Variants in NOVA1 observed in about 807,000 individuals in gnomAD.
NOVA1 encodes the protein NOVA alternative splicing regulator 1, also known as RNA-binding protein Nova-1.
Under a neutral mutation model 38.0 loss-of-function variants are expected in NOVA1, and 7 were observed. The observed-to-expected ratio is 0.18, with a 90% confidence interval of 0.10 to 0.35. The LOEUF is 0.35. Ranked by LOEUF, NOVA1 falls within the 10% of genes least tolerant of loss-of-function variation. The pLI, the probability that NOVA1 is intolerant of heterozygous loss-of-function variation, is 1.00. For missense variants in NOVA1, 460 were observed against 616.0 expected (o/e 0.75, Z 2.68); for synonymous variants, 270 against 232.5 (o/e 1.16, Z -1.47).
At chr14:26,496,102 CA>C (rs1240722467) in intron 2 of NOVA1, among the ~76,000 whole-genome samples, 1 of 147,234 alleles carries the variant, frequency 6.8e-6, no homozygotes, top group African/African-American at 2.5e-5. Flanking sequence ...AACTAGTTTA[CA>C]GTCCCACCAA....
At chr14:26,504,084 A>C (rs1280752615) in intron 2 of NOVA1, among the ~76,000 whole-genome samples, 1 of 152,144 alleles carries the variant, frequency 6.6e-6, no homozygotes, top group Non-Finnish European at 1.5e-5. Context: ...ATACCATTTA[A>C]AATTTAGATA....
At chr14:26,529,208 G>A (rs1302843698) in intron 2 of NOVA1, among the ~76,000 whole-genome samples, 1 of 151,746 alleles carries the variant, frequency 6.6e-6, no homozygotes, top group Non-Finnish European at 1.5e-5. Context: ...TGTAATCTCG[G>A]CTCACAGCAA....
intron 2 of NOVA1, among the ~76,000 whole-genome samples, chr14:26,526,962 G>T (rs1889346124): frequency 6.6e-6 from 1 of 152,072 alleles, no homozygotes; most frequent in African/African-American, 2.4e-5. Flanking sequence ...CCAGAATCTT[G>T]GACATCCTGG....
intron 4 of NOVA1, among the ~76,000 whole-genome samples, chr14:26,470,868 C>T (rs1279985081): frequency 6.6e-6 from 1 of 151,978 alleles, no homozygotes; most frequent in African/African-American, 2.4e-5. Flanking sequence ...TTGGAAAAGA[C>T]TGAACAATAA....
At chr14:26,517,543 TATTA>T (rs1342257429) in intron 2 of NOVA1, among the ~76,000 whole-genome samples, 17 of 152,292 alleles carry the variant, frequency 1.1e-4, no homozygotes, top group East Asian at 3.9e-4. Flanking sequence ...TTGAAATAAG[TATTA>T]ATTAAGAGAG....
intron 2 of NOVA1, among the ~76,000 whole-genome samples, chr14:26,531,548 C>T (rs747192426): frequency 3.3e-5 from 5 of 151,996 alleles, no homozygotes; most frequent in Non-Finnish European, 7.4e-5. Context: ...TGGAGGTTGC[C>T]GTGAGCCGAG....
chr14:26,490,683 C>A (rs1276030443), intron 2 of NOVA1, among the ~76,000 whole-genome samples: 1 of 151,884 alleles, frequency 6.6e-6, no homozygotes, highest in African/African-American at 2.4e-5. Flanking sequence ...CAAATGGTGT[C>A]TTTTTGTGTG....
chr14:26,596,992 C>A (rs1894233545), intron 1 of NOVA1: 2 of 1,247,224 alleles, frequency 1.6e-6, no homozygotes, highest in South Asian at 4.3e-5. Flanking sequence ...ACCTTCTTGC[C>A]CAGGTCTAGG....
chr14:26,448,080 C>T lies in NOVA1; in HGVS notation c.1403G>A (p.Arg468Lys). ...TCCAGTAATGGTTACCTTCCGATTC[C>T]TTGTGCCAGGTACGAATTCTCCTTT... Reference protein sequence around the residue: ...SKKGEFVPGTRNRKVTITGTP... With the variant: ...SKKGEFVPGTKNRKVTITGTP... The change falls in exon 5 of 5, where the codon AGG becomes AAG. Residue 468 changes from arginine (R) to lysine (K), a missense_variant. Arg to Lys is a conservative substitution (Grantham distance 26). Transcript: ENST00000539517. The surrounding 1 kb of genome is among the most constrained non-coding windows in gnomAD (Gnocchi z 5.3). 1 of 1,614,192 alleles carries T rather than the reference C, an allele frequency of 6.2e-7. No homozygotes were observed. Among genetic ancestry groups the T allele is most frequent in the Non-Finnish European group, 8.5e-7 (1 of 1,180,028 alleles).
At chr14:26,552,314 GGAATTTTC>G (rs1304274385) in intron 2 of NOVA1, among the ~76,000 whole-genome samples, 5 of 151,968 alleles carry the variant, frequency 3.3e-5, no homozygotes, top group African/African-American at 1.2e-4. Context: ...ATTATGTTAA[GGAATTTTC>G]GAATGTTTTA....
chr14:26,470,361 T>C lies in NOVA1; in HGVS notation c.519+1959A>G, dbSNP rs973145361. 10 of 1,492,008 alleles carry C rather than the reference T, an allele frequency of 6.7e-6. No individual in the cohort carries two copies. In the African/African-American group the frequency reaches 1.4e-4, roughly 21 times the overall value. The allele number at this position is 1,492,008 out of a possible 1,614,324, so 92.4% of individuals were successfully genotyped here. A position where few individuals can be genotyped will look rare whatever the true frequency, so the allele number is the denominator to read the frequency against. The stretch of plus-strand genomic sequence containing the variant: ...ATTAGAATCTACTGGAAAATACTGT[T>C]GGGGAGAAAATAATTACAAAGTATT... On this transcript the variant is annotated intron_variant, in intron 4 of 4. Transcript: ENST00000539517.
At chr14:26,514,143 A>G (rs961390636) in intron 2 of NOVA1, among the ~76,000 whole-genome samples, 2 of 151,768 alleles carry the variant, frequency 1.3e-5, no homozygotes, top group South Asian at 4.1e-4. Context: ...TTAACATTAG[A>G]TAAATACTTA....
chr14:26,526,926 G>A lies in NOVA1; in HGVS notation c.281-46783C>T, dbSNP rs140852329. 2.4e-3 allele frequency among the ~76,000 whole-genome samples: 368 copies of A among 152,090 alleles called. 1 individual carries two copies. The highest frequency in any genetic ancestry group is 4.1e-3 in the Non-Finnish European group (279 of 67,974). ...AAGTGGCTAATAACTCCCAAAATAC[G>A]GCCATCCCAAATGCAAGAGTCTGTA... On this transcript the variant is annotated intron_variant, in intron 2 of 4. Transcript: ENST00000539517.
intron 2 of NOVA1, among the ~76,000 whole-genome samples, chr14:26,515,131 T>C (rs1045640307): frequency 1.3e-5 from 2 of 151,932 alleles, no homozygotes; most frequent in African/African-American, 4.8e-5. Flanking sequence ...TATTGAACCA[T>C]GAAAACTATT....
intron 2 of NOVA1, among the ~76,000 whole-genome samples, chr14:26,485,683 A>G (rs1298512596): frequency 6.6e-6 from 1 of 152,182 alleles, no homozygotes; most frequent in East Asian, 1.9e-4. Context: ...CATAGTTTCA[A>G]TTGTCATCTA....
chr14:26,466,653 T>C (rs977373151), intron 4 of NOVA1, among the ~76,000 whole-genome samples: 7 of 152,232 alleles, frequency 4.6e-5, no homozygotes, highest in African/African-American at 1.7e-4. Flanking sequence ...AAAATGTTTT[T>C]GTCCATTCCA....
intron 4 of NOVA1, among the ~76,000 whole-genome samples, chr14:26,452,958 A>G (rs993354044): frequency 5.9e-5 from 9 of 152,202 alleles, no homozygotes; most frequent in African/African-American, 2.2e-4. Context: ...ACAGAAGTAT[A>G]TAAGGTTATA....
intron 2 of NOVA1, among the ~76,000 whole-genome samples, chr14:26,515,484 A>G (rs1222255338): frequency 6.6e-6 from 1 of 151,968 alleles, no homozygotes; most frequent in Non-Finnish European, 1.5e-5. Flanking sequence ...TATACTAATC[A>G]ATTTGTTCAT....
intron 2 of NOVA1, among the ~76,000 whole-genome samples, chr14:26,485,163 A>G (rs1885783046): frequency 6.6e-6 from 1 of 152,132 alleles, no homozygotes; most frequent in African/African-American, 2.4e-5. Context: ...CAGTGCCCAG[A>G]AGAGTGCCTG....
Sources: gnomAD v4.1 joint callset for allele counts (sites outside exome capture counted in the v4.1 genomes callset) on GRCh38, gnomAD v4.1.1 for gene constraint, Gnocchi (gnomAD v3.1) non-coding constraint, MANE v1.5 for transcripts, NCBI Gene and HGNC (gene_info 2026-07-23, HGNC 2026-07-21) for gene names.